Variants in TASP1 observed in about 807,000 individuals in gnomAD.
The protein encoded by TASP1 is taspase 1, also known as threonine aspartase 1.
TASP1 carries 16 observed loss-of-function variants against 56.6 expected under a neutral mutation model. The observed-to-expected ratio is 0.28, with a 90% CI of 0.19 to 0.43. TASP1 has a LOEUF of 0.43. Ranked by LOEUF, TASP1 falls within the 20% of genes least tolerant of loss-of-function variation. The pLI is 1.00. For missense variants in TASP1, 393 were observed against 511.6 expected, an observed-to-expected ratio of 0.77 and a Z score of 2.24; for synonymous variants, 179 against 184.2, an observed-to-expected ratio of 0.97 and a Z score of 0.23.
chr20:13,598,538 T>C (rs2047832456), intron 4 of TASP1, among the ~76,000 whole-genome samples: 1 of 152,190 alleles, frequency 6.6e-6, no homozygotes, highest in Non-Finnish European at 1.5e-5. Flanking sequence ...TAATTCAAGA[T>C]GGATTAAAGA....
At chr20:13,239,694 A>C in the TASP1 span, 1 of 152,224 alleles carries the variant, frequency 6.6e-6, no homozygotes, top group Non-Finnish European at 1.5e-5. Flanking sequence ...CTCTGTTTAG[A>C]AGGCAGGTTG....
At chr20:13,196,640 A>G in the TASP1 span, among the ~76,000 whole-genome samples, 1 of 152,230 alleles carries the variant, frequency 6.6e-6, no homozygotes, top group African/African-American at 2.4e-5. Flanking sequence ...AATATATTTT[A>G]TTAATCATTT....
At chr20:13,141,205 A>G in the TASP1 span, among the ~76,000 whole-genome samples, 23 of 152,354 alleles carry the variant, frequency 1.5e-4, no homozygotes, top group South Asian at 6.2e-4. Context: ...AACTTCTCTC[A>G]TAAGACATTG....
chr20:13,139,001 G>A, the TASP1 span, among the ~76,000 whole-genome samples: 1 of 152,094 alleles, frequency 6.6e-6, no homozygotes, highest in Non-Finnish European at 1.5e-5. Context: ...GCAGGCACTG[G>A]GCAACAGCTA....
At chr20:13,480,025 T>A (rs2043081986) in intron 11 of TASP1, among the ~76,000 whole-genome samples, 1 of 152,216 alleles carries the variant, frequency 6.6e-6, no homozygotes, top group Non-Finnish European at 1.5e-5. Flanking sequence ...CCTCTGGTAA[T>A]TCAATTTATT....
intron 13 of TASP1, among the ~76,000 whole-genome samples, chr20:13,399,573 C>A (rs899995643): frequency 6.6e-6 from 1 of 152,204 alleles, no homozygotes; most frequent in Non-Finnish European, 1.5e-5. Context: ...TCCAACCCAA[C>A]AGCAAATCCC....
intron 5 of TASP1, among the ~76,000 whole-genome samples, chr20:13,582,081 T>C (rs1478242536): frequency 1.3e-5 from 2 of 148,262 alleles, no homozygotes; most frequent in Non-Finnish European, 3.0e-5. Context: ...ATTGTAGAAA[T>C]GTAGCTCAAT....
chr20:13,245,833 C>A, the TASP1 span, among the ~76,000 whole-genome samples: 2 of 152,228 alleles, frequency 1.3e-5, no homozygotes, highest in Admixed American at 1.3e-4. Context: ...AACTCCATAT[C>A]TGGAACTGAC....
At chr20:13,207,777 C>A in the TASP1 span, among the ~76,000 whole-genome samples, 3 of 152,098 alleles carry the variant, frequency 2.0e-5, no homozygotes, top group Non-Finnish European at 2.9e-5. Context: ...AGAGAAACAC[C>A]CTCACAGACA....
chr20:13,464,527 A>G (rs546117389), intron 11 of TASP1, among the ~76,000 whole-genome samples: 1 of 152,208 alleles, frequency 6.6e-6, no homozygotes, highest in Non-Finnish European at 1.5e-5. Context: ...AGATGAATGG[A>G]TAAACAAAAT....
In TASP1 at chr20:13,443,772, A is replaced by G. The variant is rs185125357; in HGVS notation, c.986-8618T>C. Among the ~76,000 whole-genome samples, 136 of 152,342 alleles carry G rather than the reference A, an allele frequency of 8.9e-4. 1 individual carries two copies. The highest frequency in any genetic ancestry group is 3.1e-3 in the African/African-American group (129 of 41,590). On this transcript the variant is annotated intron_variant, in intron 11 of 13. Transcript: ENST00000337743. ...GTTAACAAGAATTTGAATGCATATT[A>G]TTTTGGTTGCTAGTAACAGATTCCT... is the stretch of plus-strand genomic sequence containing the variant.
chr20:13,599,542 G>A (rs937930142), intron 4 of TASP1, among the ~76,000 whole-genome samples: 11 of 152,148 alleles, frequency 7.2e-5, no homozygotes, highest in African/African-American at 2.7e-4. Context: ...TGGGGGGCTG[G>A]GGGAGGGATA....
Position 13,534,086 on chromosome 20 carries a change from C to T in TASP1, c.731G>A (p.Gly244Glu). The part of the protein sequence containing the change: ...TVGAVVVDHE[G>E]NVAAAVSSGG... Reference sequence around the variant, plus strand: ...ACTGGAGACAGCAGCAGCAACATTCCCTTCGTGGTCCACAACCACAGCGCC... The same window carrying T: ...ACTGGAGACAGCAGCAGCAACATTCTCTTCGTGGTCCACAACCACAGCGCC... The change falls in exon 9 of 14, where the codon GGG becomes GAG. Residue 244 changes from glycine to glutamate, a missense_variant. Around this residue, in one of 3 missense-constraint regions of TASP1, gnomAD observed 293 missense variants for 354.2 expected, o/e 0.83. Coordinates refer to ENST00000337743, the MANE Select transcript of TASP1 (RefSeq NM_017714.3). The T allele has an allele frequency of 6.2e-7, 1 of 1,613,610 alleles. No individual in the cohort carries two copies. The highest frequency in any genetic ancestry group is 8.5e-7 in the Non-Finnish European group (1 of 1,179,702).
At chr20:13,253,671 T>C in the TASP1 span, among the ~76,000 whole-genome samples, 1 of 152,098 alleles carries the variant, frequency 6.6e-6, no homozygotes, top group African/African-American at 2.4e-5. Context: ...AATCAGCATT[T>C]TAAACACATT....
chr20:13,341,775 GGC>G, the TASP1 span, among the ~76,000 whole-genome samples: 1 of 152,154 alleles, frequency 6.6e-6, no homozygotes, highest in Non-Finnish European at 1.5e-5. Flanking sequence ...GAGCTGGCTT[GGC>G]CAGGCTCTCT....
At position 13,433,520 on chromosome 20, in the gene TASP1, C is replaced by CAAAAA. The variant is rs74746255; in HGVS notation, c.1096+1519_1096+1523dup. On this transcript the variant is annotated intron_variant, in intron 12 of 13. Coordinates refer to ENST00000337743, the MANE Select transcript of TASP1 (RefSeq NM_017714.3). ...CAGAGGGTAGAAGGAGACAGTATGG[C>CAAAAA]AAAAAAAAAAAAAAAAAAAAATACA... is the stretch of plus-strand genomic sequence containing the variant. Among the ~76,000 whole-genome samples, 163 of 89,172 alleles carry CAAAAA rather than the reference C, an allele frequency of 1.8e-3. 1 individual carries two copies. The highest frequency in any genetic ancestry group is 8.0e-3 in the East Asian group (25 of 3,108). 58.5% of individuals were successfully genotyped at this position (89,172 alleles called of 152,430 possible).
intron 4 of TASP1, among the ~76,000 whole-genome samples, chr20:13,595,725 G>A (rs982552074): frequency 6.6e-6 from 1 of 152,122 alleles, no homozygotes; most frequent in African/African-American, 2.4e-5. Context: ...GATTCATAAA[G>A]GAAGTTCTGA....
the TASP1 span, among the ~76,000 whole-genome samples, chr20:13,211,419 C>A: frequency 1.3e-5 from 2 of 152,082 alleles, no homozygotes; most frequent in Admixed American, 1.3e-4. Flanking sequence ...AAATCAAAGT[C>A]ATTTTAGGAA....
intron 7 of TASP1, among the ~76,000 whole-genome samples, chr20:13,564,727 C>T (rs978614853): frequency 1.3e-5 from 2 of 151,856 alleles, no homozygotes; most frequent in African/African-American, 4.8e-5. Context: ...GGAGGCTGGG[C>T]GTGGTGGCTC....
Sources: gnomAD v4.1 joint callset for allele counts (sites outside exome capture counted in the v4.1 genomes callset) on GRCh38, gnomAD v4.1.1 for gene constraint, gnomAD v4.1.1 regional missense constraint, MANE v1.5 for transcripts, NCBI Gene and HGNC (gene_info 2026-07-23, HGNC 2026-07-21) for gene names.